Variants in WWOX observed in about 807,000 individuals in gnomAD.
WWOX encodes WW domain-containing oxidoreductase.
Under a neutral mutation model 46.2 loss-of-function variants are expected in WWOX, and 69 were observed. The observed-to-expected ratio is 1.49, with a 90% CI of 1.23 to 1.82. The LOEUF is 1.82. Ranked by LOEUF, WWOX falls within the 40% of genes most tolerant of loss-of-function variation. The probability of loss-of-function intolerance (pLI) is 0.00; values close to 1 mark genes in which losing one functional copy is unlikely to be tolerated. For missense variants in WWOX, 919 were observed against 542.6 expected (o/e 1.69, Z -6.89); for synonymous variants, 359 against 202.6 (o/e 1.77, Z -6.56).
intron 8 of WWOX, chr16:78,895,916 T>G (rs567460273): frequency 1.3e-5 from 2 of 152,184 alleles, no homozygotes; most frequent in Non-Finnish European, 2.9e-5. Flanking sequence ...TGTCTTCTCT[T>G]TGGAAAACAA....
At chr16:78,893,859 C>G (rs1158690608) in intron 8 of WWOX, among the ~76,000 whole-genome samples, 1 of 152,006 alleles carries the variant, frequency 6.6e-6, no homozygotes, top group East Asian at 1.9e-4. Flanking sequence ...CTTTTGTTTT[C>G]TAGCAAGCTA....
intron 5 of WWOX, among the ~76,000 whole-genome samples, chr16:78,314,063 C>A (rs1056882307): frequency 6.6e-6 from 1 of 152,050 alleles, no homozygotes; most frequent in African/African-American, 2.4e-5. Context: ...GCATCTGTCT[C>A]CTTCAGTTAT....
chr16:78,172,360 C>G (rs758484301), intron 5 of WWOX, among the ~76,000 whole-genome samples: 1 of 152,166 alleles, frequency 6.6e-6, no homozygotes, highest in African/African-American at 2.4e-5. Flanking sequence ...TTTGACCTTT[C>G]TTGTCACAGG....
At chr16:78,529,559 C>T (rs183994430) in intron 8 of WWOX, among the ~76,000 whole-genome samples, 8 of 152,140 alleles carry the variant, frequency 5.3e-5, no homozygotes, top group Non-Finnish European at 7.4e-5. Context: ...CTCCGCCTCT[C>T]GAGTTCAAGC....
intron 6 of WWOX, among the ~76,000 whole-genome samples, chr16:78,396,864 T>A (rs2082299642): frequency 6.6e-6 from 1 of 152,214 alleles, no homozygotes; most frequent in African/African-American, 2.4e-5. Flanking sequence ...GGCTGTGTCC[T>A]AATAAAACTT....
chr16:78,865,852 C>G (rs1442167876), intron 8 of WWOX, among the ~76,000 whole-genome samples: 3 of 152,210 alleles, frequency 2.0e-5, no homozygotes, highest in African/African-American at 7.2e-5. Flanking sequence ...GCACTCCAGC[C>G]TGGGCGATGA....
At chr16:79,138,307 A>G (rs957589645) in intron 8 of WWOX, among the ~76,000 whole-genome samples, 4 of 152,172 alleles carry the variant, frequency 2.6e-5, no homozygotes, top group African/African-American at 9.7e-5. Flanking sequence ...TTTTGTGTGG[A>G]GAGGATGGCG....
chr16:78,918,328 G>A (rs1451904524), intron 8 of WWOX, among the ~76,000 whole-genome samples: 2 of 152,198 alleles, frequency 1.3e-5, no homozygotes, highest in African/African-American at 2.4e-5. Flanking sequence ...TACATTTCCT[G>A]TTTCTCTCTT....
intron 8 of WWOX, among the ~76,000 whole-genome samples, chr16:78,484,706 G>T (rs370904465): frequency 5.3e-5 from 8 of 152,022 alleles, no homozygotes; most frequent in African/African-American, 1.7e-4. Context: ...ACTTTTCCTA[G>T]ATAAAATAAT....
chr16:78,726,725 C>CT (rs11318856), intron 8 of WWOX, among the ~76,000 whole-genome samples: 186 of 148,248 alleles, frequency 1.3e-3, no homozygotes, highest in South Asian at 3.9e-3. Flanking sequence ...TGTTTTGTTC[C>CT]TTTTTTTTTT....
intron 8 of WWOX, among the ~76,000 whole-genome samples, chr16:78,723,475 T>C (rs1489994334): frequency 6.6e-6 from 1 of 152,180 alleles, no homozygotes; most frequent in Non-Finnish European, 1.5e-5. Flanking sequence ...CTTGTTCTTA[T>C]CTGCATGTTT....
intron 5 of WWOX, among the ~76,000 whole-genome samples, chr16:78,359,940 T>C (rs2081374735): frequency 6.6e-6 from 1 of 152,196 alleles, no homozygotes; most frequent in Non-Finnish European, 1.5e-5. Flanking sequence ...ACAACACTCA[T>C]CTTGCAAATT....
chr16:78,911,016 T>C (rs1597139223), intron 8 of WWOX, among the ~76,000 whole-genome samples: 2 of 151,972 alleles, frequency 1.3e-5, no homozygotes, highest in East Asian at 3.9e-4. Context: ...AAAAATAAAT[T>C]AAAAAAATTA....
At chr16:78,566,214 T>G (rs373922448) in intron 8 of WWOX, among the ~76,000 whole-genome samples, 8 of 152,040 alleles carry the variant, frequency 5.3e-5, no homozygotes, top group African/African-American at 1.9e-4. Flanking sequence ...TCATTTGAAA[T>G]TAGTCACCTC....
intron 8 of WWOX, among the ~76,000 whole-genome samples, chr16:78,973,520 C>A (rs562433534): frequency 2.0e-5 from 3 of 152,174 alleles, no homozygotes; most frequent in Admixed American, 1.3e-4. Flanking sequence ...GAATACGAAG[C>A]CTCCCTTTAT....
chr16:78,768,279 T>TAAAAA (rs56280651), intron 8 of WWOX, among the ~76,000 whole-genome samples: 11 of 91,958 alleles, frequency 1.2e-4, no homozygotes, highest in African/African-American at 2.8e-4. Context: ...ATAGATGAGT[T>TAAAAA]AAAAAAAAAA....
Position 78,818,581 on chromosome 16 carries a change from A to C in WWOX, c.1056+385829A>C, listed in dbSNP as rs370018475. On this transcript the variant is annotated intron_variant, in intron 8 of 8. Transcript: ENST00000566780. ...CCCAATCTCTCCAAAAAGTTTAAAAATCGGCTGGGCATGGTGGTACATGCC... is the reference window on the plus strand; with the variant it reads ...CCCAATCTCTCCAAAAAGTTTAAAACTCGGCTGGGCATGGTGGTACATGCC... Among the ~76,000 whole-genome samples the C allele has an allele frequency of 3.4e-3, 522 of 152,266 alleles. 3 individuals carry two copies. Among genetic ancestry groups the C allele is most frequent in the African/African-American group, 0.012 (506 of 41,550 alleles).
intron 8 of WWOX, among the ~76,000 whole-genome samples, chr16:78,761,395 AT>A (rs1268097413): frequency 6.6e-6 from 1 of 152,132 alleles, no homozygotes; most frequent in Non-Finnish European, 1.5e-5. Flanking sequence ...TTACATTTTA[AT>A]TTAGTTTTGT....
intron 5 of WWOX, among the ~76,000 whole-genome samples, chr16:78,346,902 T>G (rs1415553764): frequency 8.5e-6 from 1 of 118,038 alleles, no homozygotes; most frequent in African/African-American, 2.9e-5. Flanking sequence ...TATTTTATTT[T>G]TTTAGCAGAG....
Sources: allele counts gnomAD v4.1 joint callset (sites outside exome capture counted in the v4.1 genomes callset), GRCh38; gene constraint gnomAD v4.1.1; transcripts MANE v1.5; gene names NCBI Gene and HGNC (gene_info 2026-07-23, HGNC 2026-07-21).